The following ANKRD50 variants were observed in gnomAD, a reference collection of about 807,000 sequenced individuals.
ANKRD50 encodes the protein ankyrin repeat domain 50.
ANKRD50 carries 40 observed loss-of-function variants against 112.0 expected under a neutral mutation model. The ratio of observed to expected loss-of-function variants is 0.36; its 90% CI spans 0.28 to 0.46. The LOEUF is 0.46. Ranked by LOEUF, ANKRD50 falls within the 20% of genes least tolerant of loss-of-function variation. ANKRD50 has a pLI of 1.00. For synonymous variants in ANKRD50, 613 were observed against 619.1 expected, an observed-to-expected ratio of 0.99 and a Z score of 0.15; for missense variants, 1,487 against 1,701.7, an observed-to-expected ratio of 0.87 and a Z score of 2.22.
chr4:124,676,612 TCAAGTTAGAG>T lies in ANKRD50; in HGVS notation c.742+2054_742+2063del, dbSNP rs1302655823. 2.6e-5 allele frequency among the ~76,000 whole-genome samples: 4 copies of T among 151,756 alleles called. No homozygotes were observed. In the East Asian group the frequency reaches 7.7e-4, roughly 29 times the overall value. Reference sequence around the variant, plus strand: ...GAAAATTTATGATTTTACAGATTATTCAAGTTAGAGCTTTATTTCATACCTTTTAGTAAAA... The same window carrying T: ...GAAAATTTATGATTTTACAGATTATTCTTTATTTCATACCTTTTAGTAAAA... On this transcript the variant is annotated intron_variant, in intron 3 of 4. Transcript: ENST00000504087.
In ANKRD50 at chr4:124,710,538, G is replaced by T. The variant is rs760751917; in HGVS notation, c.-27C>A. 78 of 1,586,162 alleles carry T rather than the reference G, an allele frequency of 4.9e-5. No individual in the cohort carries two copies. The highest frequency in any genetic ancestry group is 6.3e-5 in the Non-Finnish European group (74 of 1,170,244). On this transcript the variant is annotated 5_prime_UTR_variant, in exon 2 of 5. Coordinates refer to ENST00000504087, the MANE Select transcript of ANKRD50 (RefSeq NM_020337.3). ...ACGGGTTTTTTATCTTCATTTGCTAGAGTCTGGATACATCAACACAGGTCT... is the reference window on the plus strand; with the variant it reads ...ACGGGTTTTTTATCTTCATTTGCTATAGTCTGGATACATCAACACAGGTCT...
chr4:124,699,458 C>T (rs932817369), intron 2 of ANKRD50, among the ~76,000 whole-genome samples: 4 of 152,046 alleles, frequency 2.6e-5, no homozygotes, highest in African/African-American at 7.2e-5. Context: ...CTCTAAGCAG[C>T]AATTTAACCA....
intron 2 of ANKRD50, among the ~76,000 whole-genome samples, chr4:124,685,031 C>G (rs1370680291): frequency 3.9e-5 from 6 of 152,324 alleles, no homozygotes; most frequent in Admixed American, 3.3e-4. Context: ...ACCACCATAT[C>G]TAAAGCAGCC....
chr4:124,669,680 T>A lies in ANKRD50; in HGVS notation c.3597A>T (p.Ala1199=), dbSNP rs371748432. Residue 1199 remains alanine (A), a synonymous_variant, in exon 4 of 5, where the codon GCA becomes GCT. Transcript: ENST00000504087. ...TATCAATTGGCACTGTTTGAGCCGT[T>A]GCTGTAGATGAAGTAGTTCTCAAAG... ...NSSLRTTSST[A]TAQTVPIDSF... is the part of the protein sequence containing the mutation. 1.2e-6 allele frequency: 2 copies of A among 1,612,708 alleles called. No homozygotes were observed. The highest frequency in any genetic ancestry group is 2.2e-5 in the South Asian group (2 of 90,658).
intron 2 of ANKRD50, among the ~76,000 whole-genome samples, chr4:124,696,639 G>A (rs1032180688): frequency 6.6e-6 from 1 of 151,970 alleles, no homozygotes; most frequent in African/African-American, 2.4e-5. Flanking sequence ...CTCCAAAGGA[G>A]CAAAAATAAC....
At position 124,710,351 on chromosome 4, in the gene ANKRD50, A is replaced by T. The variant is rs369039763; in HGVS notation, c.161T>A (p.Val54Glu). ...ACTAGCATTATTCCCAGAATTCATTACAAGTGATGGTGCATTGACAGCACT... is the reference window on the plus strand; with the variant it reads ...ACTAGCATTATTCCCAGAATTCATTTCAAGTGATGGTGCATTGACAGCACT... ...CNSAVNAPSL[V>E]MNSGNNASGV... Residue 54 changes from valine (V) to glutamate (E), a missense_variant, in exon 2 of 5, where the codon GTA becomes GAA. This residue lies in a region of ANKRD50 where 1,046 missense variants were observed against 1,269.5 expected (regional missense o/e 0.82). Coordinates refer to ENST00000504087, the MANE Select transcript of ANKRD50 (RefSeq NM_020337.3). The T allele has an allele frequency of 6.2e-7, 1 of 1,614,174 alleles. No individual in the cohort carries two copies. Among genetic ancestry groups the T allele is most frequent in the South Asian group, 1.1e-5 (1 of 91,084 alleles).
chr4:124,709,290 T>C (rs1476379301), intron 2 of ANKRD50, among the ~76,000 whole-genome samples: 1 of 152,132 alleles, frequency 6.6e-6, no homozygotes, highest in Non-Finnish European at 1.5e-5. Context: ...TTGAACAGAT[T>C]TGAATCTGAA....
At chr4:124,711,950 A>G (rs1327966186) in intron 1 of ANKRD50, among the ~76,000 whole-genome samples, 1 of 152,084 alleles carries the variant, frequency 6.6e-6, no homozygotes, top group East Asian at 1.9e-4. Flanking sequence ...TAAAGAGTAG[A>G]GTGCTTCGGT....
At chr4:124,668,884 G>T in intron 4 of ANKRD50, 100 bp downstream of exon 4, 1 of 1,102,062 alleles carries the variant, frequency 9.1e-7, no homozygotes, top group Non-Finnish European at 1.3e-6. Flanking sequence ...TCTGAGTAGA[G>T]ATTAACTGAG....
chr4:124,706,534 GAAGAA>G (rs985096659), intron 2 of ANKRD50, among the ~76,000 whole-genome samples: 2 of 152,020 alleles, frequency 1.3e-5, no homozygotes, highest in Non-Finnish European at 1.5e-5. Context: ...GAAGCAAACT[GAAGAA>G]AAGATAAGTG....
chr4:124,695,707 T>TG (rs1200931524), intron 2 of ANKRD50, among the ~76,000 whole-genome samples: 15 of 152,066 alleles, frequency 9.9e-5, no homozygotes, highest in African/African-American at 3.4e-4. Flanking sequence ...TTTCTTATGT[T>TG]GGGGGAAAGA....
intron 3 of ANKRD50, among the ~76,000 whole-genome samples, chr4:124,674,718 T>C (rs1463226097): frequency 6.6e-6 from 1 of 151,760 alleles, no homozygotes; most frequent in African/African-American, 2.4e-5. Context: ...ATTAATTCTA[T>C]AAGAAAGTAT....
At chr4:124,688,973 T>C (rs1481075746) in intron 2 of ANKRD50, among the ~76,000 whole-genome samples, 1 of 152,200 alleles carries the variant, frequency 6.6e-6, no homozygotes. Flanking sequence ...CAAATATCAC[T>C]AATTCAGAGA....
rs1267808746 is a variant in ANKRD50 at position 124,664,827 on chromosome 4, C to T, written c.*2691G>A. On this transcript the variant is annotated 3_prime_UTR_variant, in exon 5 of 5. Coordinates refer to ENST00000504087, the MANE Select transcript of ANKRD50 (RefSeq NM_020337.3). ...CAAAGAACAAAAATTATTGGCTGTA[C>T]TTTGCAGTACGCACTGATTTCAGGT... 2.0e-5 allele frequency: 3 copies of T among 151,928 alleles called. No individual in the cohort carries two copies. Among genetic ancestry groups the T allele is most frequent in the Non-Finnish European group, 4.4e-5 (3 of 67,864 alleles). 9.4% of individuals were successfully genotyped at this position (151,928 alleles called of 1,614,324 possible). A position where few individuals can be genotyped will look rare whatever the true frequency, so the allele number is the denominator to read the frequency against.
chr4:124,690,129 C>CA (rs1203985007), intron 2 of ANKRD50, among the ~76,000 whole-genome samples: 3 of 152,122 alleles, frequency 2.0e-5, no homozygotes, highest in African/African-American at 7.2e-5. Context: ...CAAAAACAAA[C>CA]AAAAAATTCA....
intron 2 of ANKRD50, among the ~76,000 whole-genome samples, chr4:124,682,487 G>A (rs1724916174): frequency 6.6e-6 from 1 of 152,124 alleles, no homozygotes. Flanking sequence ...TAAAAAGGGA[G>A]TGTTAAAATA....
rs1730671554 is a variant in ANKRD50 at position 124,672,090 on chromosome 4, A to G, written c.1187T>C (p.Leu396Pro). ...QRKLDILSKL[L>P]VDGLGNTKIL... ...TTTTGTATTTCCTAGTCCATCAACA[A>G]GAAGTTTGGAGAGGATATCTAACTT... Residue 396 changes from leucine (L) to proline (P), a missense_variant, in exon 4 of 5, where the codon CTT becomes CCT. By Grantham distance (98) the Leu-to-Pro change is moderately conservative. Coordinates refer to ENST00000504087, the MANE Select transcript of ANKRD50 (RefSeq NM_020337.3). 6.2e-7 allele frequency: 1 copy of G among 1,613,810 alleles called. No individual in the cohort carries two copies. The highest frequency in any genetic ancestry group is 1.7e-5 in the Admixed American group (1 of 59,964).
In ANKRD50 at chr4:124,710,391, T is replaced by G. The variant is rs762845119; in HGVS notation, c.121A>C (p.Ser41Arg). The G allele has an allele frequency of 2.7e-5, 43 of 1,614,186 alleles. No homozygotes were observed. Among genetic ancestry groups the G allele is most frequent in the Non-Finnish European group, 3.6e-5 (42 of 1,180,038 alleles). ...HKLQHCLQEK[S>R]NCCNSAVNAP... ...TTGACAGCACTATTGCAGCAGTTAC[T>G]TTTCTCCTGGAGGCAATGCTGAAGC... The change falls in exon 2 of 5, where the codon AGT becomes CGT. Residue 41 changes from serine (S) to arginine (R), a missense_variant. Ser to Arg is a moderately radical substitution (Grantham distance 110). This residue lies in a region of ANKRD50 where 1,046 missense variants were observed against 1,269.5 expected (regional missense o/e 0.82). Coordinates refer to ENST00000504087, the MANE Select transcript of ANKRD50 (RefSeq NM_020337.3).
chr4:124,678,039 T>C (rs1724770748), intron 3 of ANKRD50, among the ~76,000 whole-genome samples: 1 of 152,056 alleles, frequency 6.6e-6, no homozygotes, highest in South Asian at 2.1e-4. Flanking sequence ...AGAGACAACC[T>C]GATAGAAGGA....
Sources: gnomAD v4.1 joint callset for allele counts (sites outside exome capture counted in the v4.1 genomes callset) on GRCh38, gnomAD v4.1.1 for gene constraint, gnomAD v4.1.1 regional missense constraint, MANE v1.5 for transcripts, NCBI Gene and HGNC (gene_info 2026-07-23, HGNC 2026-07-21) for gene names.